The following SLC27A2 variants were observed in gnomAD, a reference collection of about 807,000 sequenced individuals.
The protein encoded by SLC27A2 is solute carrier family 27 member 2, also known as long-chain fatty acid transport protein 2.
Under a neutral mutation model 60.0 loss-of-function variants are expected in SLC27A2, and 54 were observed. That is an observed-to-expected ratio of 0.90 (90% confidence interval 0.72 to 1.13). SLC27A2 has a LOEUF of 1.13. SLC27A2 is among the 50% of genes most tolerant of loss of function. SLC27A2 has a pLI of 0.00. For synonymous variants in SLC27A2, 297 were observed against 297.6 expected (o/e 1.00, Z 0.02); for missense variants, 739 against 777.6 (o/e 0.95, Z 0.59).
chr15:50,223,885 C>A (rs2045261327), intron 5 of SLC27A2, among the ~76,000 whole-genome samples: 1 of 152,214 alleles, frequency 6.6e-6, no homozygotes, highest in African/African-American at 2.4e-5. Context: ...CCTTTCTGGC[C>A]ATGAAACAGC....
chr15:50,209,220 T>C (rs973323263), intron 4 of SLC27A2, among the ~76,000 whole-genome samples: 1 of 152,184 alleles, frequency 6.6e-6, no homozygotes, highest in East Asian at 1.9e-4. Flanking sequence ...CAGAATTAGA[T>C]AACCTCTGTG....
intron 5 of SLC27A2, among the ~76,000 whole-genome samples, chr15:50,223,467 G>A (rs1202604988): frequency 4.6e-5 from 7 of 152,192 alleles, no homozygotes; most frequent in African/African-American, 1.2e-4. Flanking sequence ...TACAAGTTCC[G>A]TAAGCTAATC....
chr15:50,221,329 G>T (rs2045240616), intron 4 of SLC27A2, among the ~76,000 whole-genome samples: 1 of 152,094 alleles, frequency 6.6e-6, no homozygotes, highest in Non-Finnish European at 1.5e-5. Flanking sequence ...GTGGGGGTGG[G>T]CTGGTCTCTC....
chr15:50,216,595 G>GGTGTGTGT lies in SLC27A2; in HGVS notation c.973-6361_973-6354dup, dbSNP rs371273005. Among the ~76,000 whole-genome samples the GGTGTGTGT allele has an allele frequency of 2.5e-3, 177 of 69,832 alleles. 10 individuals are homozygous for GGTGTGTGT. Among genetic ancestry groups the GGTGTGTGT allele is most frequent in the Admixed American group, 3.5e-3 (21 of 5,984 alleles). The allele number at this position is 69,832 out of a possible 152,430, so 45.8% of individuals were successfully genotyped here. A position where few individuals can be genotyped will look rare whatever the true frequency, so the allele number is the denominator to read the frequency against. On this transcript the variant is annotated intron_variant, in intron 4 of 9. Coordinates refer to ENST00000267842, the MANE Select transcript of SLC27A2 (RefSeq NM_003645.4). ...ATCAACAAGTGGATAAAGAAACTGT[G>GGTGTGTGT]GTGTGTGTGTGTGTGTATATATATA...
chr15:50,204,565 C>G (rs1020785671), intron 3 of SLC27A2, among the ~76,000 whole-genome samples: 4 of 151,766 alleles, frequency 2.6e-5, no homozygotes, highest in Non-Finnish European at 5.9e-5. Flanking sequence ...AACCCCTTCT[C>G]TACTAAAAAT....
At chr15:50,218,098 GT>G (rs1407660365) in intron 4 of SLC27A2, among the ~76,000 whole-genome samples, 1 of 139,788 alleles carries the variant, frequency 7.2e-6, no homozygotes, top group Non-Finnish European at 1.5e-5. Flanking sequence ...CGGGAGAAAT[GT>G]TTTTAATGTA....
chr15:50,196,053 CAAAAAA>C (rs1163958587), intron 1 of SLC27A2, among the ~76,000 whole-genome samples: 46 of 1,790 alleles, frequency 0.026, no homozygotes, highest in Admixed American at 0.05. Flanking sequence ...GACTCTGTCT[CAAAAAA>C]AAAAAAAAAA....
chr15:50,228,520 G>A lies in SLC27A2; in HGVS notation c.1458-425G>A, dbSNP rs144450609. ...ATTTTTTTTTTCCTTTCTTGTTGCC[G>A]TGAGACCCTGAAATAAAATATGAAG... On this transcript the variant is annotated intron_variant, in intron 7 of 9. Coordinates refer to ENST00000267842, the MANE Select transcript of SLC27A2 (RefSeq NM_003645.4). 1.1e-3 allele frequency among the ~76,000 whole-genome samples: 161 copies of A among 149,902 alleles called. 1 individual carries two copies. Among genetic ancestry groups the A allele is most frequent in the African/African-American group, 3.6e-3 (148 of 40,716 alleles).
chr15:50,182,804 A>C lies in SLC27A2; in HGVS notation c.377A>C (p.Lys126Thr). 1 of 1,613,692 alleles carries C rather than the reference A, an allele frequency of 6.2e-7. No individual in the cohort carries two copies. The highest frequency in any genetic ancestry group is 8.5e-7 in the Non-Finnish European group (1 of 1,179,960). Reference protein sequence around the residue: ...AYVWLWLGLVKLGCAMACLNY... With the variant: ...AYVWLWLGLVTLGCAMACLNY... ...GTGTGGCTGTGGCTGGGGCTGGTGAAGCTGGGCTGTGCCATGGCGTGCCTC... is the reference window on the plus strand; with the variant it reads ...GTGTGGCTGTGGCTGGGGCTGGTGACGCTGGGCTGTGCCATGGCGTGCCTC... The change falls in exon 1 of 10, where the codon AAG (lysine) becomes ACG (threonine). Residue 126 changes from lysine (K) to threonine (T), a missense_variant. Coordinates refer to ENST00000267842, the MANE Select transcript of SLC27A2 (RefSeq NM_003645.4).
intron 3 of SLC27A2, among the ~76,000 whole-genome samples, 191 bp downstream of exon 3, chr15:50,202,836 T>G (rs1442370728): frequency 6.6e-6 from 1 of 152,108 alleles, no homozygotes; most frequent in East Asian, 1.9e-4. Context: ...CCTGCCTATC[T>G]AATAATGTAA....
chr15:50,187,772 A>G (rs1156398728), intron 1 of SLC27A2, among the ~76,000 whole-genome samples: 1 of 152,198 alleles, frequency 6.6e-6, no homozygotes, highest in African/African-American at 2.4e-5. Flanking sequence ...CAATGTGATA[A>G]AGGAAAAATG....
At chr15:50,191,390 T>A (rs956334707) in intron 1 of SLC27A2, among the ~76,000 whole-genome samples, 1 of 152,146 alleles carries the variant, frequency 6.6e-6, no homozygotes, top group African/African-American at 2.4e-5. Context: ...TGCCCAAGGT[T>A]AAGCACCACC....
In SLC27A2 at chr15:50,202,486, G is replaced by T. The variant is rs1467969519; in HGVS notation, c.689-1G>T. The T allele has an allele frequency of 6.2e-7, 1 of 1,614,062 alleles. No homozygotes were observed. Among genetic ancestry groups the T allele is most frequent in the Non-Finnish European group, 8.5e-7 (1 of 1,179,966 alleles). On this transcript the variant is annotated splice_acceptor_variant, in intron 2 of 9. Coordinates refer to ENST00000267842, the MANE Select transcript of SLC27A2 (RefSeq NM_003645.4). LOFTEE classifies it high-confidence loss of function. ...ATGCCTTCTCTTGTATATTTACAAA[G>T]GTCTTCCAAAAGCAGCCATGATCAC...
chr15:50,197,843 G>A (rs973024527), intron 2 of SLC27A2, 134 bp downstream of exon 2: 15 of 658,876 alleles, frequency 2.3e-5, no homozygotes, highest in Admixed American at 1.1e-4. Context: ...ATTTGCCTGC[G>A]GGAACTGATC....
At chr15:50,217,667 T>C (rs888631590) in intron 4 of SLC27A2, among the ~76,000 whole-genome samples, 8 of 152,058 alleles carry the variant, frequency 5.3e-5, no homozygotes, top group Admixed American at 3.9e-4. Flanking sequence ...TTCTGTTGCA[T>C]TACTCTTAAA....
At chr15:50,216,610 GTATATATATATATATATATATATATA>G (rs59683706) in intron 4 of SLC27A2, among the ~76,000 whole-genome samples, 3 of 66,492 alleles carry the variant, frequency 4.5e-5, no homozygotes, top group African/African-American at 5.5e-5. Flanking sequence ...GTGTGTGTGT[GTATATATATATATATATATATATATA>G]TATATATATA....
At chr15:50,193,102 T>C (rs1318399732) in intron 1 of SLC27A2, among the ~76,000 whole-genome samples, 1 of 152,190 alleles carries the variant, frequency 6.6e-6, no homozygotes, top group African/African-American at 2.4e-5. Flanking sequence ...CCAGGCTGCG[T>C]TGGCTCTGGG....
At chr15:50,199,915 G>C (rs1365014190) in intron 2 of SLC27A2, among the ~76,000 whole-genome samples, 1 of 152,186 alleles carries the variant, frequency 6.6e-6, no homozygotes, top group South Asian at 2.1e-4. Flanking sequence ...GCAAGGCACT[G>C]TCTGTAGAAA....
intron 8 of SLC27A2, 45 bp downstream of exon 8, chr15:50,229,087 A>G (rs371076757): frequency 1.5e-4 from 209 of 1,405,460 alleles, no homozygotes; most frequent in Middle Eastern, 3.5e-4. Flanking sequence ...GAGTAACTGA[A>G]CATAATTTTG....
Sources: gnomAD v4.1 joint callset for allele counts (sites outside exome capture counted in the v4.1 genomes callset) on GRCh38, gnomAD v4.1.1 for gene constraint, MANE v1.5 for transcripts, NCBI Gene and HGNC (gene_info 2026-07-23, HGNC 2026-07-21) for gene names.